LCOR: variants seen among roughly 807,000 people sequenced by gnomAD.
The protein encoded by LCOR is ligand-dependent corepressor.
Under a neutral mutation model 64.4 loss-of-function variants are expected in LCOR, and 14 were observed. The ratio of observed to expected loss-of-function variants is 0.22; its 90% confidence interval spans 0.14 to 0.34. LCOR has a LOEUF of 0.34. Among genes scored for constraint, LCOR ranks in the 10% least tolerant of loss-of-function variants. The pLI is 1.00. For missense variants in LCOR, 1,686 were observed against 1,765.3 expected, an observed-to-expected ratio of 0.96 and a Z score of 0.80; for synonymous variants, 643 against 642.5, an observed-to-expected ratio of 1.00 and a Z score of -0.01.
intron 2 of LCOR, among the ~76,000 whole-genome samples, chr10:96,879,099 AT>A (rs1167589744): frequency 6.6e-6 from 1 of 152,006 alleles, no homozygotes; most frequent in Admixed American, 6.6e-5. Context: ...CCTGGCCTTT[AT>A]TTTGCTTTTC....
At chr10:96,856,997 C>CT in intron 2 of LCOR, among the ~76,000 whole-genome samples, 1 of 152,020 alleles carries the variant, frequency 6.6e-6, no homozygotes, top group African/African-American at 2.4e-5. Flanking sequence ...AAAAAATAGA[C>CT]TTAACCACTT....
chr10:96,847,037 G>C (rs1357309168), intron 2 of LCOR, among the ~76,000 whole-genome samples: 2 of 152,162 alleles, frequency 1.3e-5, no homozygotes, highest in African/African-American at 4.8e-5. Context: ...GAGCCCAGGA[G>C]TTCAAGACCA....
intron 4 of LCOR, among the ~76,000 whole-genome samples, chr10:96,942,401 C>G (rs1038440860): frequency 6.6e-5 from 10 of 152,242 alleles, no homozygotes; most frequent in African/African-American, 2.4e-4. Flanking sequence ...CAGTACCGTC[C>G]AGCTTTGGCT....
chr10:96,871,846 C>T (rs565130599), intron 2 of LCOR, among the ~76,000 whole-genome samples: 1 of 151,354 alleles, frequency 6.6e-6, no homozygotes, highest in Non-Finnish European at 1.5e-5. Context: ...GGAGGAGGAG[C>T]ATTTTGGGAG....
chr10:96,963,276 CAGTT>C (rs1454151952), intron 7 of LCOR: 2 of 152,180 alleles, frequency 1.3e-5, no homozygotes, highest in East Asian at 1.9e-4. Flanking sequence ...CAAACATGCA[CAGTT>C]AAACTATATA....
intron 2 of LCOR, among the ~76,000 whole-genome samples, chr10:96,879,528 CTG>C (rs1449426943): frequency 6.6e-6 from 1 of 152,188 alleles, no homozygotes; most frequent in Non-Finnish European, 1.5e-5. Flanking sequence ...AACAGTAAGA[CTG>C]TTAGTGCTGG....
At position 96,889,370 on chromosome 10, in the gene LCOR, CACAGAT is replaced by C. The variant is rs1223180225; in HGVS notation, c.-329-17892_-329-17887del. On this transcript the variant is annotated intron_variant, in intron 2 of 7. Coordinates refer to ENST00000421806, the MANE Select transcript of LCOR (RefSeq NM_001346516.2). ...ATACCACAGGCTTAGTGGCTTGAAC[CACAGAT>C]ACTTATTTCTTATAGTTCTGAAGGC... 7.9e-5 allele frequency among the ~76,000 whole-genome samples: 12 copies of C among 152,186 alleles called. No individual in the cohort carries two copies. In the East Asian group the frequency reaches 1.3e-3, roughly 17 times the overall value.
chr10:96,902,749 CTTTG>C (rs1280144051), intron 2 of LCOR, among the ~76,000 whole-genome samples: 5 of 152,294 alleles, frequency 3.3e-5, no homozygotes, highest in Admixed American at 6.5e-5. Flanking sequence ...TCATTCCCCT[CTTTG>C]TTTATTAGGA....
chr10:96,958,679 T>TTGA (rs1413899048), intron 7 of LCOR: 4 of 452,898 alleles, frequency 8.8e-6, no homozygotes, highest in African/African-American at 5.8e-5. Flanking sequence ...CAGTCATGAC[T>TTGA]TGATATTCAG....
intron 4 of LCOR, among the ~76,000 whole-genome samples, chr10:96,943,104 T>TTTTTG (rs113699332): frequency 1.3e-5 from 2 of 151,002 alleles, no homozygotes; most frequent in Admixed American, 6.6e-5. Context: ...ACCTACTTTT[T>TTTTTG]TTTGTTTGTT....
intron 4 of LCOR, among the ~76,000 whole-genome samples, chr10:96,920,729 CAT>C (rs1158291297): frequency 1.3e-5 from 1 of 78,686 alleles, no homozygotes; most frequent in Non-Finnish European, 2.1e-5. Flanking sequence ...TATATATGTT[CAT>C]ATATATGTGT....
chr10:96,862,618 G>T (rs1359715333), intron 2 of LCOR, among the ~76,000 whole-genome samples: 1 of 152,112 alleles, frequency 6.6e-6, no homozygotes, highest in African/African-American at 2.4e-5. Flanking sequence ...TTAACCTTCA[G>T]CCCTTTTCCC....
chr10:96,976,962 A>T (rs998888960), intron 7 of LCOR, among the ~76,000 whole-genome samples: 2 of 152,238 alleles, frequency 1.3e-5, no homozygotes, highest in Non-Finnish European at 2.9e-5. Context: ...ATTAGATGCC[A>T]TAATATTTCT....
At chr10:96,879,720 T>C (rs1471985126) in intron 2 of LCOR, among the ~76,000 whole-genome samples, 1 of 152,198 alleles carries the variant, frequency 6.6e-6, no homozygotes, top group African/African-American at 2.4e-5. Context: ...TGGAGTGCAG[T>C]GCGCGACGTT....
intron 2 of LCOR, among the ~76,000 whole-genome samples, chr10:96,844,411 A>G (rs1845593158): frequency 4.0e-5 from 6 of 151,780 alleles, no homozygotes; most frequent in Admixed American, 3.3e-4. Flanking sequence ...TAGAATTTCC[A>G]TTAAGTTGCC....
At chr10:96,837,034 T>C (rs1486246027) in intron 2 of LCOR, among the ~76,000 whole-genome samples, 9 of 150,290 alleles carry the variant, frequency 6.0e-5, no homozygotes, top group Non-Finnish European at 7.4e-5. Flanking sequence ...CTCTGTCGCC[T>C]AGGCTGGAGT....
chr10:96,887,258 C>T (rs970242915), intron 2 of LCOR, among the ~76,000 whole-genome samples: 3 of 152,062 alleles, frequency 2.0e-5, no homozygotes, highest in Admixed American at 6.5e-5. Flanking sequence ...AGAATGCCCA[C>T]AATGAAACAG....
intron 7 of LCOR, among the ~76,000 whole-genome samples, chr10:96,980,176 T>C (rs896149566): frequency 1.3e-5 from 2 of 150,738 alleles, no homozygotes; most frequent in African/African-American, 4.9e-5. Context: ...AAAAAAAAAC[T>C]GTAAGTTCTG....
intron 7 of LCOR, chr10:96,958,917 A>AAC (rs1484544795): frequency 6.6e-6 from 1 of 152,156 alleles, no homozygotes; most frequent in African/African-American, 2.4e-5. Flanking sequence ...AAAAAAAAAA[A>AAC]AAAAAAAAAA....
Sources: gnomAD v4.1 joint callset for allele counts (sites outside exome capture counted in the v4.1 genomes callset) on GRCh38, gnomAD v4.1.1 for gene constraint, MANE v1.5 for transcripts, NCBI Gene and HGNC (gene_info 2026-07-23, HGNC 2026-07-21) for gene names.